The following CTBP1 variants were observed in gnomAD, a reference collection of about 807,000 sequenced individuals.
The protein encoded by CTBP1 is C-terminal binding protein 1, also known as C-terminal-binding protein 1.
CTBP1 carries 11 observed loss-of-function variants against 42.1 expected under a neutral mutation model. The ratio of observed to expected loss-of-function variants is 0.26; its 90% CI spans 0.16 to 0.43. The LOEUF is 0.43. Ranked by LOEUF, CTBP1 falls within the 20% of genes least tolerant of loss-of-function variation. The pLI is 1.00. For missense variants in CTBP1, 399 were observed against 624.3 expected (o/e 0.64, Z 3.85); for synonymous variants, 324 against 277.1 (o/e 1.17, Z -1.68).
intron 3 of CTBP1, among the ~76,000 whole-genome samples, chr4:1,229,116 G>A (rs952666656): frequency 1.3e-5 from 2 of 152,198 alleles, no homozygotes; most frequent in African/African-American, 4.8e-5. Context: ...GCATCGCTGT[G>A]GTCACGGCCA....
intron 2 of CTBP1, among the ~76,000 whole-genome samples, chr4:1,239,443 G>C (rs1338643275): frequency 1.3e-5 from 2 of 152,254 alleles, no homozygotes; most frequent in African/African-American, 4.8e-5. Context: ...CCAAGGAGCA[G>C]AGTGACCCAG....
At chr4:1,249,509 C>CCGCT (rs1189411489), upstream of CTBP1, 1 of 80,746 alleles carries the variant, frequency 1.2e-5, no homozygotes, top group Admixed American at 2.0e-4. Context: ...CCGCAGCCGC[C>CCGCT]CCGCTCCCTT....
At chr4:1,231,806 G>A (rs1444742575) in intron 3 of CTBP1, among the ~76,000 whole-genome samples, 4 of 152,194 alleles carry the variant, frequency 2.6e-5, no homozygotes, top group East Asian at 1.9e-4. Context: ...AAGCACCATC[G>A]AGACCGGCAC....
chr4:1,237,982 G>T, intron 3 of CTBP1: 1 of 751,760 alleles, frequency 1.3e-6, no homozygotes, highest in Non-Finnish European at 2.3e-6. Flanking sequence ...TGGGGCTCAG[G>T]GCAAACCCGA....
chr4:1,246,605 T>A (rs544858268), intron 1 of CTBP1, among the ~76,000 whole-genome samples: 2 of 152,310 alleles, frequency 1.3e-5, no homozygotes, highest in African/African-American at 4.8e-5. Flanking sequence ...CACACGCCTC[T>A]TGGCTCAGTG....
intron 1 of CTBP1, chr4:1,243,824 T>C: frequency 1.0e-6 from 1 of 985,370 alleles, no homozygotes; most frequent in Non-Finnish European, 1.2e-6. Flanking sequence ...CACACTGCTT[T>C]TCCTCATCAA....
intron 4 of CTBP1, among the ~76,000 whole-genome samples, chr4:1,227,551 G>A (rs1730498793): frequency 6.9e-6 from 1 of 145,834 alleles, no homozygotes; most frequent in African/African-American, 2.6e-5. Flanking sequence ...CATGGCTGCA[G>A]ATGTGCGTGT....
chr4:1,218,263 A>T (rs1729357729), intron 5 of CTBP1: 1 of 151,968 alleles, frequency 6.6e-6, no homozygotes, highest in African/African-American at 2.4e-5. Context: ...AATTAGCCGG[A>T]CGTGGTGGCG....
intron 3 of CTBP1, among the ~76,000 whole-genome samples, chr4:1,230,694 G>C (rs111621598): frequency 1.3e-5 from 2 of 152,234 alleles, no homozygotes; most frequent in East Asian, 3.8e-4. Context: ...TCGAAAAGTC[G>C]ATTCTGAACC....
Position 1,235,050 on chromosome 4 carries a change from A to G in CTBP1, c.162+3133T>C, listed in dbSNP as rs920468573. 1.3e-5 allele frequency: 2 copies of G among 152,198 alleles called. No homozygotes were observed. The highest frequency in any genetic ancestry group is 1.3e-4 in the Admixed American group (2 of 15,284). 9.4% of individuals were successfully genotyped at this position (152,198 alleles called of 1,614,324 possible). ...CGCCATCATGCTGCCGAGATCACCC[A>G]GGGTGTGGCAGGGACCCAGCGTTCA... On this transcript the variant is annotated intron_variant, in intron 3 of 9. Transcript: ENST00000382952. The surrounding 1 kb of genome is among the most constrained non-coding windows in gnomAD (Gnocchi z 4.2).
chr4:1,227,348 T>C (rs1680054), intron 4 of CTBP1, among the ~76,000 whole-genome samples: 94,082 of 119,474 alleles, frequency 0.79, 38,359 homozygotes, highest in South Asian at 0.93. Context: ...GATGAGTGTG[T>C]GTGTTCCATG....
At chr4:1,246,188 G>A (rs1732703986) in intron 1 of CTBP1, among the ~76,000 whole-genome samples, 1 of 152,164 alleles carries the variant, frequency 6.6e-6, no homozygotes, top group Non-Finnish European at 1.5e-5. Context: ...AGCTGACAAT[G>A]GAGGACCCGG....
At chr4:1,224,599 G>A (rs571605683) in intron 5 of CTBP1, among the ~76,000 whole-genome samples, 59 of 151,098 alleles carry the variant, frequency 3.9e-4, no homozygotes, top group Admixed American at 2.9e-3. Flanking sequence ...TGTGTGCCAC[G>A]ATGTCTTGTG....
At position 1,235,555 on chromosome 4, in the gene CTBP1, C is replaced by T. The variant is rs747080482; in HGVS notation, c.162+2628G>A. 1.3e-5 allele frequency: 2 copies of T among 152,250 alleles called. No homozygotes were observed. Among genetic ancestry groups the T allele is most frequent in the East Asian group, 1.9e-4 (1 of 5,182 alleles). 9.4% of individuals were successfully genotyped at this position (152,250 alleles called of 1,614,324 possible). ...TGGTAAACCCGCCCCTCAGTTCCACCGATCAGCTTCGCCGTTTTCTCAGAT... is the reference window on the plus strand; with the variant it reads ...TGGTAAACCCGCCCCTCAGTTCCACTGATCAGCTTCGCCGTTTTCTCAGAT... On this transcript the variant is annotated intron_variant, in intron 3 of 9. Coordinates refer to ENST00000382952, the MANE Select transcript of CTBP1 (RefSeq NM_001012614.2). The surrounding 1 kb of genome is among the most constrained non-coding windows in gnomAD (Gnocchi z 4.2).
At chr4:1,222,038 C>T (rs1337842150) in intron 5 of CTBP1, among the ~76,000 whole-genome samples, 2 of 152,210 alleles carry the variant, frequency 1.3e-5, no homozygotes, top group South Asian at 2.1e-4. Context: ...CCACCACACA[C>T]GCGGATTCCA....
rs759422795 is a variant in CTBP1 at position 1,238,024 on chromosome 4, C to T, written c.162+159G>A. ...CCTCCTGATGGTGTCCAGGGAAAAC[C>T]CCGTGTCCACCTCCTGACGGCGCGG... On this transcript the variant is annotated intron_variant, in intron 3 of 9. Transcript: ENST00000382952. This position sits in a 1 kb window ranked among gnomAD's most constrained non-coding sequence, Gnocchi z 5.9. 2.1e-6 allele frequency: 2 copies of T among 957,660 alleles called. No homozygotes were observed. The highest frequency in any genetic ancestry group is 1.7e-6 in the Non-Finnish European group (1 of 604,054). The allele number at this position is 957,660 out of a possible 1,614,324, so 59.3% of individuals were successfully genotyped here.
In CTBP1 at chr4:1,212,377, C is replaced by A. The variant is rs566988702; in HGVS notation, c.1153G>T (p.Ala385Ser). 3 of 1,501,930 alleles carry A rather than the reference C, an allele frequency of 2.0e-6. No homozygotes were observed. Among genetic ancestry groups the A allele is most frequent in the East Asian group, 5.3e-5 (2 of 37,896 alleles). The allele number at this position is 1,501,930 out of a possible 1,614,324, so 93.0% of individuals were successfully genotyped here. A position where few individuals can be genotyped will look rare whatever the true frequency, so the allele number is the denominator to read the frequency against. ...VGVAPTGIPA[A>S]VEGIVPSAMS... ...GCGCTGGGGACGATACCTTCCACAG[C>A]AGCTGGGATGCCAGTGGGGGCCACG... The change falls in exon 10 of 10, where the codon GCT becomes TCT. Residue 385 changes from alanine to serine, a missense_variant. Transcript: ENST00000382952.
chr4:1,243,356 G>A (rs889225338), intron 1 of CTBP1: 24 of 985,276 alleles, frequency 2.4e-5, no homozygotes, highest in Admixed American at 6.1e-5. Context: ...CTGTGGCAGG[G>A]CTCCTGGGGC....
intron 1 of CTBP1, chr4:1,242,506 C>A: frequency 2.0e-6 from 2 of 985,080 alleles, no homozygotes; most frequent in Non-Finnish European, 2.4e-6. Context: ...GCCTCGCAGA[C>A]AAATCTCCAA....
Sources: gnomAD v4.1 joint callset for allele counts (sites outside exome capture counted in the v4.1 genomes callset) on GRCh38, gnomAD v4.1.1 for gene constraint, Gnocchi (gnomAD v3.1) non-coding constraint, MANE v1.5 for transcripts, NCBI Gene and HGNC (gene_info 2026-07-23, HGNC 2026-07-21) for gene names.